CADPS2: variants seen among roughly 807,000 people sequenced by gnomAD.
CADPS2 encodes the protein calcium dependent secretion activator 2.
Under a neutral mutation model 172.5 loss-of-function variants are expected in CADPS2, and 93 were observed. That is an observed-to-expected ratio of 0.54 (90% CI 0.46 to 0.64). CADPS2 has a LOEUF of 0.64. CADPS2 is among the 30% of genes least tolerant of loss of function. CADPS2 has a pLI of 0.00. For missense variants in CADPS2, 1,420 were observed against 1,565.9 expected, an observed-to-expected ratio of 0.91 and a Z score of 1.57; for synonymous variants, 546 against 555.2, an observed-to-expected ratio of 0.98 and a Z score of 0.23.
chr7:122,443,285 A>G (rs2051621893), intron 15 of CADPS2, among the ~76,000 whole-genome samples: 1 of 152,208 alleles, frequency 6.6e-6, no homozygotes, highest in Non-Finnish European at 1.5e-5. Flanking sequence ...TCAATAAAGT[A>G]CAGAAAATAA....
intron 1 of CADPS2, among the ~76,000 whole-genome samples, chr7:122,809,561 T>G (rs34381122): frequency 2.8e-5 from 4 of 144,796 alleles, no homozygotes; most frequent in South Asian, 2.2e-4. Context: ...GCCTGGGCAA[T>G]AGAGAGAGAC....
intron 1 of CADPS2, among the ~76,000 whole-genome samples, chr7:122,747,642 C>G (rs900701996): frequency 6.6e-6 from 1 of 152,034 alleles, no homozygotes; most frequent in African/African-American, 2.4e-5. Context: ...AGCTAAAGCC[C>G]AGAGAATTTA....
At chr7:122,345,903 T>C (rs566384561) in intron 27 of CADPS2, among the ~76,000 whole-genome samples, 1 of 141,934 alleles carries the variant, frequency 7.0e-6, no homozygotes, top group South Asian at 2.3e-4. Context: ...TACAGAGTTG[T>C]AGATCCGTAG....
chr7:122,604,937 GT>G (rs2073299193), intron 6 of CADPS2, among the ~76,000 whole-genome samples: 2 of 152,124 alleles, frequency 1.3e-5, no homozygotes, highest in Non-Finnish European at 2.9e-5. Context: ...ATCACAGAGT[GT>G]ACTTATACAA....
At chr7:122,363,158 A>G (rs917797729) in intron 25 of CADPS2, among the ~76,000 whole-genome samples, 3 of 152,350 alleles carry the variant, frequency 2.0e-5, no homozygotes, top group South Asian at 4.1e-4. Flanking sequence ...GCAAGGACCC[A>G]GAAGATGAAT....
intron 5 of CADPS2, among the ~76,000 whole-genome samples, chr7:122,617,992 C>T (rs913349367): frequency 2.0e-5 from 3 of 150,486 alleles, no homozygotes; most frequent in Non-Finnish European, 2.9e-5. Context: ...GGCAGTGAGC[C>T]GAGATCGTGC....
chr7:122,687,391 C>T (rs1442423125), intron 2 of CADPS2, among the ~76,000 whole-genome samples: 1 of 152,114 alleles, frequency 6.6e-6, no homozygotes, highest in African/African-American at 2.4e-5. Context: ...ATGCTTTGTC[C>T]TTTACTTAAA....
chr7:122,371,402 G>T (rs562185223), intron 25 of CADPS2, among the ~76,000 whole-genome samples: 9 of 151,376 alleles, frequency 5.9e-5, no homozygotes, highest in African/African-American at 2.2e-4. Flanking sequence ...TTCTTCACAG[G>T]GCAGCAGGAT....
chr7:122,617,717 T>C (rs1187060213), intron 5 of CADPS2, among the ~76,000 whole-genome samples: 2 of 152,180 alleles, frequency 1.3e-5, no homozygotes, highest in Admixed American at 6.5e-5. Context: ...TGGGATCTGC[T>C]AGCCTAATAT....
intron 2 of CADPS2, among the ~76,000 whole-genome samples, chr7:122,674,523 G>A (rs1176347982): frequency 6.6e-6 from 1 of 152,148 alleles, no homozygotes; most frequent in Non-Finnish European, 1.5e-5. Context: ...TCTTAACAAA[G>A]TCGCGGTGAA....
intron 3 of CADPS2, among the ~76,000 whole-genome samples, chr7:122,632,108 A>G (rs576622861): frequency 1.2e-4 from 19 of 152,282 alleles, no homozygotes; most frequent in African/African-American, 4.6e-4. Flanking sequence ...CCCACCATTA[A>G]TGGGCACCTA....
chr7:122,547,468 C>T (rs910015492), intron 8 of CADPS2, among the ~76,000 whole-genome samples: 1 of 152,164 alleles, frequency 6.6e-6, no homozygotes, highest in Non-Finnish European at 1.5e-5. Flanking sequence ...AATCAGTCCA[C>T]TTACAACTGT....
chr7:122,466,366 G>A (rs2055139538), intron 14 of CADPS2, among the ~76,000 whole-genome samples: 1 of 152,134 alleles, frequency 6.6e-6, no homozygotes, highest in South Asian at 2.1e-4. Context: ...CCTGGATGAC[G>A]GGGTTCTAGG....
At chr7:122,442,065 T>C (rs1268072640) in intron 15 of CADPS2, among the ~76,000 whole-genome samples, 1 of 152,184 alleles carries the variant, frequency 6.6e-6, no homozygotes, top group Admixed American at 6.6e-5. Flanking sequence ...TACCTCCCCA[T>C]ACAATACACA....
At chr7:122,836,431 A>T (rs903267810) in intron 1 of CADPS2, among the ~76,000 whole-genome samples, 2 of 152,226 alleles carry the variant, frequency 1.3e-5, no homozygotes, top group African/African-American at 2.4e-5. Flanking sequence ...ACATAACAAT[A>T]TTAACCTTAA....
At chr7:122,497,660 T>G (rs2058849704) in intron 9 of CADPS2, among the ~76,000 whole-genome samples, 1 of 152,180 alleles carries the variant, frequency 6.6e-6, no homozygotes, top group South Asian at 2.1e-4. Flanking sequence ...AAGTCAATAT[T>G]TATTTATATT....
chr7:122,405,885 TATC>T (rs1404217328), intron 20 of CADPS2, among the ~76,000 whole-genome samples: 1 of 152,186 alleles, frequency 6.6e-6, no homozygotes, highest in Admixed American at 6.5e-5. Flanking sequence ...ATATGTGAGT[TATC>T]ATCTTATTTA....
chr7:122,732,454 T>C (rs2091740221), intron 2 of CADPS2, among the ~76,000 whole-genome samples: 1 of 150,242 alleles, frequency 6.7e-6, no homozygotes, highest in South Asian at 2.1e-4. Flanking sequence ...GAGAGAAAAA[T>C]AATAGCAAAC....
intron 1 of CADPS2, among the ~76,000 whole-genome samples, chr7:122,812,896 A>G (rs1425965864): frequency 1.3e-5 from 2 of 152,138 alleles, no homozygotes; most frequent in Non-Finnish European, 2.9e-5. Flanking sequence ...CAGAACCAAC[A>G]TTACTGTTTG....
Sources: allele counts gnomAD v4.1 joint callset (sites outside exome capture counted in the v4.1 genomes callset), GRCh38; gene constraint gnomAD v4.1.1; transcripts MANE v1.5; gene names NCBI Gene and HGNC (gene_info 2026-07-23, HGNC 2026-07-21).